The following MYO3B variants were observed in gnomAD, a reference collection of about 807,000 sequenced individuals.
The protein encoded by MYO3B is myosin IIIB.
In MYO3B, 156 loss-of-function variants were observed where a neutral mutation model predicts 174.6. The ratio of observed to expected loss-of-function variants is 0.89; its 90% CI spans 0.78 to 1.02. MYO3B has a LOEUF of 1.02. MYO3B is among the 50% of genes least tolerant of loss of function. MYO3B has a pLI of 0.00. For synonymous variants in MYO3B, 563 were observed against 569.1 expected (o/e 0.99, Z 0.15); for missense variants, 1,632 against 1,639.4 (o/e 1.00, Z 0.08).
At chr2:170,504,900 G>A (rs191452104) in intron 28 of MYO3B, among the ~76,000 whole-genome samples, 11 of 152,318 alleles carry the variant, frequency 7.2e-5, no homozygotes, top group Admixed American at 6.5e-4. Context: ...GTGATCGAGG[G>A]AGGGACAGGG....
chr2:170,485,386 A>AACACACACACACACAC (rs370436580), intron 25 of MYO3B, among the ~76,000 whole-genome samples: 4 of 136,716 alleles, frequency 2.9e-5, no homozygotes, highest in African/African-American at 8.7e-5. Flanking sequence ...ATCCTTTCAG[A>AACACACACACACACAC]ACACACACAC....
At chr2:170,402,412 T>A (rs12623406) in intron 18 of MYO3B, among the ~76,000 whole-genome samples, 12,335 of 152,216 alleles carry the variant, frequency 0.081, 1,099 homozygotes, top group East Asian at 0.48. Flanking sequence ...TCCTACTTCT[T>A]CAACTACTTT....
chr2:170,401,796 C>CTTTTTT (rs1268110549), intron 18 of MYO3B, 105 bp downstream of exon 18: 10 of 794,360 alleles, frequency 1.3e-5, no homozygotes, highest in African/African-American at 5.6e-5. Flanking sequence ...GATTTTCTTT[C>CTTTTTT]TTTTTCTTTT....
chr2:170,183,027 G>A (rs772222490), intron 1 of MYO3B, among the ~76,000 whole-genome samples: 27 of 152,048 alleles, frequency 1.8e-4, no homozygotes, highest in Non-Finnish European at 3.8e-4. Flanking sequence ...AGGCCAAGGC[G>A]GGTGGATTGC....
At chr2:170,562,737 T>C (rs1691796523) in intron 32 of MYO3B, among the ~76,000 whole-genome samples, 1 of 152,230 alleles carries the variant, frequency 6.6e-6, no homozygotes, top group South Asian at 2.1e-4. Context: ...TTTAAGAAAG[T>C]ATTTTTCAAA....
intron 7 of MYO3B, among the ~76,000 whole-genome samples, chr2:170,310,580 C>T (rs11693390): frequency 0.69 from 103,511 of 149,518 alleles, 38,764 homozygotes; most frequent in East Asian, 0.92. Flanking sequence ...AGGAGAATCT[C>T]GCTTGAACCT....
chr2:170,612,332 G>A (rs896872573), intron 32 of MYO3B, among the ~76,000 whole-genome samples: 3 of 152,210 alleles, frequency 2.0e-5, no homozygotes, highest in Non-Finnish European at 2.9e-5. Context: ...GCTTGGCAGC[G>A]CCAGTGCTCA....
intron 22 of MYO3B, among the ~76,000 whole-genome samples, chr2:170,433,543 T>C (rs1357562649): frequency 6.6e-6 from 1 of 152,234 alleles, no homozygotes; most frequent in East Asian, 1.9e-4. Flanking sequence ...ACTTCAGTCC[T>C]ATAGAATGCC....
chr2:170,650,019 C>CTTTTTTTTT (rs1017785949), intron 32 of MYO3B: 2 of 65,606 alleles, frequency 3.0e-5, no homozygotes, highest in African/African-American at 6.5e-5. Context: ...ATGTGATAGT[C>CTTTTTTTTT]TTTTTTTTTT....
intron 22 of MYO3B, among the ~76,000 whole-genome samples, chr2:170,427,697 T>C (rs989892683): frequency 2.6e-5 from 4 of 152,208 alleles, no homozygotes; most frequent in Non-Finnish European, 5.9e-5. Context: ...TTCCCAAGGA[T>C]ATATACATAT....
intron 32 of MYO3B, among the ~76,000 whole-genome samples, chr2:170,625,373 T>C (rs926764673): frequency 1.3e-5 from 2 of 152,220 alleles, no homozygotes; most frequent in African/African-American, 4.8e-5. Flanking sequence ...TATAGTATTC[T>C]CTGATGGTAG....
chr2:170,259,021 G>A (rs1290364644), intron 7 of MYO3B, among the ~76,000 whole-genome samples: 2 of 151,978 alleles, frequency 1.3e-5, no homozygotes, highest in Admixed American at 1.3e-4. Flanking sequence ...AGATCTCTAC[G>A]AGGATAACTA....
intron 7 of MYO3B, among the ~76,000 whole-genome samples, chr2:170,323,659 C>G (rs994123350): frequency 3.3e-5 from 5 of 152,174 alleles, no homozygotes; most frequent in African/African-American, 1.2e-4. Flanking sequence ...TTTCTTATCT[C>G]TAAAACAGAC....
chr2:170,606,584 G>C (rs980195227), intron 32 of MYO3B, among the ~76,000 whole-genome samples: 11 of 152,152 alleles, frequency 7.2e-5, no homozygotes, highest in Non-Finnish European at 1.6e-4. Flanking sequence ...GAAGGTATGG[G>C]TCATGTCTGT....
intron 28 of MYO3B, among the ~76,000 whole-genome samples, chr2:170,506,180 C>T (rs541964444): frequency 1.3e-5 from 2 of 152,312 alleles, no homozygotes; most frequent in South Asian, 4.1e-4. Flanking sequence ...TCATGTGATG[C>T]ATGCAGAGCA....
intron 28 of MYO3B, among the ~76,000 whole-genome samples, chr2:170,513,639 T>C (rs1265851306): frequency 6.6e-6 from 1 of 152,250 alleles, no homozygotes; most frequent in Admixed American, 6.5e-5. Context: ...CTAGTCAAAC[T>C]GACACACCCC....
At chr2:170,497,543 G>A (rs1475362522) in intron 25 of MYO3B, among the ~76,000 whole-genome samples, 2 of 152,126 alleles carry the variant, frequency 1.3e-5, no homozygotes, top group Admixed American at 6.5e-5. Context: ...GCGCAAACCC[G>A]GGAGGCAGAG....
In MYO3B at chr2:170,354,149, C is replaced by G. The variant is rs553011699; in HGVS notation, c.816-15073C>G. On this transcript the variant is annotated intron_variant, in intron 8 of 34. Coordinates refer to ENST00000408978, the MANE Select transcript of MYO3B (RefSeq NM_138995.5). ...GATCCCGCAGAAAGAATCAGACAAC[C>G]CTGTTTAATGCTAGGCATTGCCTGT... Among the ~76,000 whole-genome samples the G allele has an allele frequency of 2.6e-5, 4 of 152,314 alleles. No individual in the cohort carries two copies. The South Asian group carries it at 8.3e-4, about 32-fold the overall frequency.
intron 23 of MYO3B, among the ~76,000 whole-genome samples, chr2:170,453,453 CGA>C (rs150426528): frequency 0.077 from 9,390 of 122,380 alleles, 418 homozygotes; most frequent in East Asian, 0.19. Flanking sequence ...CACACACACA[CGA>C]GAGAGAGAGA....
Sources: allele counts gnomAD v4.1 joint callset (sites outside exome capture counted in the v4.1 genomes callset), GRCh38; gene constraint gnomAD v4.1.1; transcripts MANE v1.5; gene names NCBI Gene and HGNC (gene_info 2026-07-23, HGNC 2026-07-21).